PARPBP: variants seen among roughly 807,000 people sequenced by gnomAD.
PARPBP encodes the protein PCNA-interacting partner.
Under a neutral mutation model 50.0 loss-of-function variants are expected in PARPBP, and 52 were observed. That is an observed-to-expected ratio of 1.04 (90% confidence interval 0.83 to 1.31). The LOEUF is 1.31. Ranked by LOEUF, PARPBP falls within the 50% of genes most tolerant of loss-of-function variation. The pLI is 0.00. For missense variants in PARPBP, 697 were observed against 672.0 expected (o/e 1.04, Z -0.41); for synonymous variants, 244 against 232.1 (o/e 1.05, Z -0.47).
chr12:102,190,325 T>C (rs1298349371), intron 9 of PARPBP, among the ~76,000 whole-genome samples: 1 of 152,030 alleles, frequency 6.6e-6, no homozygotes, highest in Admixed American at 6.6e-5. Context: ...ACCTCCTGGA[T>C]ACCAAGTTCA....
At chr12:102,128,897 G>A (rs1882425891) in intron 2 of PARPBP, among the ~76,000 whole-genome samples, 1 of 152,086 alleles carries the variant, frequency 6.6e-6, no homozygotes, top group Non-Finnish European at 1.5e-5. Flanking sequence ...CTTTCATACT[G>A]TAATGCTTAT....
intron 6 of PARPBP, among the ~76,000 whole-genome samples, chr12:102,168,973 T>C (rs1888422702): frequency 6.6e-6 from 1 of 152,168 alleles, no homozygotes; most frequent in Admixed American, 6.5e-5. Context: ...TTGTAAGTAT[T>C]TAATGTATAT....
chr12:102,133,562 T>G (rs1883176223), intron 2 of PARPBP, among the ~76,000 whole-genome samples: 2 of 152,182 alleles, frequency 1.3e-5, no homozygotes, highest in South Asian at 4.1e-4. Context: ...GAATTTTGCA[T>G]ATGTGTTCAT....
chr12:102,158,288 G>A (rs1490438153), intron 4 of PARPBP, among the ~76,000 whole-genome samples: 1 of 152,048 alleles, frequency 6.6e-6, no homozygotes, highest in African/African-American at 2.4e-5. Flanking sequence ...TTAGGGGTTA[G>A]TGTAATAGTT....
chr12:102,138,724 G>C (rs1884067007), intron 2 of PARPBP, among the ~76,000 whole-genome samples: 2 of 152,112 alleles, frequency 1.3e-5, no homozygotes, highest in South Asian at 2.1e-4. Context: ...AGTTTTCCCA[G>C]CACCATTTAT....
intron 8 of PARPBP, among the ~76,000 whole-genome samples, chr12:102,179,132 T>C (rs1889579027): frequency 6.6e-6 from 1 of 152,194 alleles, no homozygotes; most frequent in African/African-American, 2.4e-5. Flanking sequence ...GGCTCCACTT[T>C]ATAAGTGAAG....
At chr12:102,142,304 CAT>C (rs1884728945) in intron 2 of PARPBP, among the ~76,000 whole-genome samples, 1 of 152,196 alleles carries the variant, frequency 6.6e-6, no homozygotes, top group South Asian at 2.1e-4. Flanking sequence ...GCATGCATCT[CAT>C]AGTTCTCGTG....
chr12:102,196,246 G>A lies in PARPBP; in HGVS notation c.1695G>A (p.Lys565=), dbSNP rs2137668565. 1.9e-6 allele frequency: 3 copies of A among 1,600,910 alleles called. No homozygotes were observed. The highest frequency in any genetic ancestry group is 2.6e-6 in the Non-Finnish European group (3 of 1,175,442). ...GTAATAAATGTACTGCCAAGGACAA[G>A]TTGATTTCTGGCCAGGCAAAGTTAA... ...AKSNKCTAKD[K]LISGQAKLTQ... is the part of the protein sequence containing the mutation. Residue 565 remains lysine (K), a synonymous_variant, in exon 11 of 11, where the codon AAG becomes AAA. Coordinates refer to ENST00000327680, the MANE Select transcript of PARPBP (RefSeq NM_017915.5).
At chr12:102,163,242 A>G (rs1380367148) in intron 4 of PARPBP, among the ~76,000 whole-genome samples, 1 of 152,210 alleles carries the variant, frequency 6.6e-6, no homozygotes, top group Non-Finnish European at 1.5e-5. Flanking sequence ...TATCTTAATT[A>G]TTGTAATCGT....
At chr12:102,153,819 T>C in intron 3 of PARPBP, 50 bp from the exon 4 acceptor site, 1 of 982,694 alleles carries the variant, frequency 1.0e-6, no homozygotes, top group South Asian at 1.3e-5. Flanking sequence ...GTGAAGTATT[T>C]TTTATAGTCA....
At chr12:102,170,474 A>G (rs1159431124) in intron 6 of PARPBP, among the ~76,000 whole-genome samples, 1 of 152,230 alleles carries the variant, frequency 6.6e-6, no homozygotes, top group Non-Finnish European at 1.5e-5. Flanking sequence ...TTGTAACACA[A>G]TGGTATTTGT....
intron 4 of PARPBP, among the ~76,000 whole-genome samples, chr12:102,161,330 A>G (rs1594558720): frequency 6.6e-6 from 1 of 150,688 alleles, no homozygotes; most frequent in Non-Finnish European, 1.5e-5. Context: ...CTGGTCTTGA[A>G]CTCTTGGTCT....
chr12:102,194,067 G>C (rs2137511420), intron 9 of PARPBP, among the ~76,000 whole-genome samples: 1 of 151,882 alleles, frequency 6.6e-6, no homozygotes, highest in African/African-American at 2.4e-5. Flanking sequence ...TGTCATCCTA[G>C]GAAAACTTGC....
At position 102,175,582 on chromosome 12, in the gene PARPBP, G is replaced by A; in HGVS notation, c.921G>A (p.Gln307=). Residue 307 remains glutamine (Q), a synonymous_variant, in exon 7 of 11, where the codon CAG becomes CAA. Coordinates refer to ENST00000327680, the MANE Select transcript of PARPBP (RefSeq NM_017915.5). The part of the protein sequence containing the change: ...PFCKAIEEVA[Q]DLDLRIKNII... ...GCAAAGCAATAGAGGAAGTTGCTCAGGATTTGGATTTGAGGATTAAAAATA... is the reference window on the plus strand; with the variant it reads ...GCAAAGCAATAGAGGAAGTTGCTCAAGATTTGGATTTGAGGATTAAAAATA... 1 of 1,613,408 alleles carries A rather than the reference G, an allele frequency of 6.2e-7. No homozygotes were observed. Among genetic ancestry groups the A allele is most frequent in the Non-Finnish European group, 8.5e-7 (1 of 1,179,460 alleles).
At chr12:102,177,486 A>T (rs749103650) in intron 7 of PARPBP, among the ~76,000 whole-genome samples, 3 of 152,106 alleles carry the variant, frequency 2.0e-5, no homozygotes, top group Non-Finnish European at 4.4e-5. Flanking sequence ...ATGTATCTAT[A>T]CATAATATTT....
chr12:102,128,907 T>TAA, intron 2 of PARPBP, among the ~76,000 whole-genome samples: 1 of 152,350 alleles, frequency 6.6e-6, no homozygotes, highest in East Asian at 1.9e-4. Flanking sequence ...GTAATGCTTA[T>TAA]ACTAATTACA....
chr12:102,164,534 G>C lies in PARPBP; in HGVS notation c.592G>C (p.Asp198His), dbSNP rs1887931316. The C allele has an allele frequency of 6.2e-7, 1 of 1,612,100 alleles. No individual in the cohort carries two copies. Among genetic ancestry groups the C allele is most frequent in the African/African-American group, 1.3e-5 (1 of 74,874 alleles). ...LAVAYILNIP[D>H]RGLGREAFTD... ...TGTGGCTTATATTCTCAATATTCCTGATAGAGGACTAGGAAGAGAAGCCTT... is the reference window on the plus strand; with the variant it reads ...TGTGGCTTATATTCTCAATATTCCTCATAGAGGACTAGGAAGAGAAGCCTT... The change falls in exon 5 of 11, where the codon GAT becomes CAT. Residue 198 changes from aspartate to histidine, a missense_variant. Asp to His is a moderately conservative substitution (Grantham distance 81, BLOSUM62 -1). Coordinates refer to ENST00000327680, the MANE Select transcript of PARPBP (RefSeq NM_017915.5).
intron 1 of PARPBP, 147 bp downstream of exon 1, chr12:102,120,433 C>G (rs1416429816): frequency 1.1e-5 from 5 of 456,250 alleles, no homozygotes; most frequent in East Asian, 7.0e-5. Context: ...ACTTGACGCT[C>G]GAGCCTGGTT....
In PARPBP at chr12:102,154,895, G is replaced by A. The variant is rs990612451; in HGVS notation, c.495+919G>A. On this transcript the variant is annotated intron_variant, in intron 4 of 10. Coordinates refer to ENST00000327680, the MANE Select transcript of PARPBP (RefSeq NM_017915.5). The stretch of plus-strand genomic sequence containing the variant: ...TAATAGGAAGCATTTGCCATCTATT[G>A]TTTCTAAGGGTGGCCACCTATGAGA... The A allele has an allele frequency of 2.9e-4, 128 of 443,616 alleles. 1 individual carries two copies. The Admixed American group carries it at 3.2e-3, about 11-fold the overall frequency. 27.5% of individuals were successfully genotyped at this position (443,616 alleles called of 1,614,324 possible). A position where few individuals can be genotyped will look rare whatever the true frequency, so the allele number is the denominator to read the frequency against.
Sources: allele counts gnomAD v4.1 joint callset (sites outside exome capture counted in the v4.1 genomes callset), GRCh38; gene constraint gnomAD v4.1.1; transcripts MANE v1.5; gene names NCBI Gene and HGNC (gene_info 2026-07-23, HGNC 2026-07-21).